PHF24: variants seen among roughly 807,000 people sequenced by gnomAD.
The protein encoded by PHF24 is PHD finger protein 24, also known as Galpha inhibitory interacting protein.
Under a neutral mutation model 42.6 loss-of-function variants are expected in PHF24, and 25 were observed. The ratio of observed to expected loss-of-function variants is 0.59; its 90% CI spans 0.43 to 0.82. The LOEUF (loss-of-function observed/expected upper bound fraction) is 0.82. Among genes scored for constraint, PHF24 ranks in the 40% least tolerant of loss-of-function variants. The pLI, the probability that PHF24 is intolerant of heterozygous loss-of-function variation, is 0.00. For missense variants in PHF24, 470 were observed against 538.1 expected (o/e 0.87, Z 1.25); for synonymous variants, 185 against 204.8 (o/e 0.90, Z 0.83).
At chr9:34,755,921 G>A in the PHF24 span, among the ~76,000 whole-genome samples, 1 of 152,154 alleles carries the variant, frequency 6.6e-6, no homozygotes, top group African/African-American at 2.4e-5. Flanking sequence ...CTGTGCAGAA[G>A]CTTTTCAGTT....
At chr9:34,837,816 C>T in the PHF24 span, 51 of 691,184 alleles carry the variant, frequency 7.4e-5, no homozygotes, top group South Asian at 3.7e-4. Context: ...GTATTTTATA[C>T]GCTTTCCTGG....
chr9:34,971,874 G>A (rs1827001597), intron 2 of PHF24, among the ~76,000 whole-genome samples, 198 bp downstream of exon 2: 1 of 152,168 alleles, frequency 6.6e-6, no homozygotes, highest in Non-Finnish European at 1.5e-5. Flanking sequence ...GGCAATGGAT[G>A]ATAAAGAATG....
the PHF24 span, among the ~76,000 whole-genome samples, chr9:34,734,504 T>C: frequency 6.6e-6 from 1 of 152,280 alleles, no homozygotes; most frequent in South Asian, 2.1e-4. Flanking sequence ...CTTCCCAGAT[T>C]CTTCTCCCTT....
the PHF24 span, among the ~76,000 whole-genome samples, chr9:34,877,051 G>A: frequency 6.6e-6 from 1 of 152,182 alleles, no homozygotes; most frequent in South Asian, 2.1e-4. Context: ...GGAGGCCAAG[G>A]TGGGCAGATC....
chr9:34,740,400 C>T, the PHF24 span, among the ~76,000 whole-genome samples: 1 of 152,220 alleles, frequency 6.6e-6, no homozygotes, highest in Non-Finnish European at 1.5e-5. Flanking sequence ...CAGCTAAGGC[C>T]AGGCAAGAAA....
the PHF24 span, among the ~76,000 whole-genome samples, chr9:34,810,044 C>T: frequency 6.6e-6 from 1 of 151,592 alleles, no homozygotes; most frequent in Non-Finnish European, 1.5e-5. Flanking sequence ...CGCCTCAACT[C>T]GGCAGCTCAG....
intron 1 of PHF24, among the ~76,000 whole-genome samples, chr9:34,969,635 T>G (rs1451079144): frequency 5.5e-5 from 8 of 146,644 alleles, no homozygotes; most frequent in Non-Finnish European, 1.0e-4. Flanking sequence ...AGCGAGACTC[T>G]GTCTCAAAAA....
the PHF24 span, among the ~76,000 whole-genome samples, chr9:34,907,297 G>T: frequency 6.6e-6 from 1 of 152,054 alleles, no homozygotes; most frequent in Admixed American, 6.5e-5. Context: ...CCCCTCAAAG[G>T]AATTGTTGAC....
At chr9:34,786,689 A>C in the PHF24 span, among the ~76,000 whole-genome samples, 1 of 152,212 alleles carries the variant, frequency 6.6e-6, no homozygotes, top group African/African-American at 2.4e-5. Flanking sequence ...TCATTTTCCT[A>C]AAATGTTGAG....
the PHF24 span, among the ~76,000 whole-genome samples, chr9:34,736,237 C>CA: frequency 6.6e-6 from 1 of 151,896 alleles, no homozygotes; most frequent in East Asian, 1.9e-4. Flanking sequence ...ACTGACATCC[C>CA]AGGAGAAAAG....
chr9:34,832,412 A>G, the PHF24 span: 2 of 1,227,648 alleles, frequency 1.6e-6, no homozygotes, highest in South Asian at 2.7e-5. Context: ...ACCGAAGCTT[A>G]TTGTCTAGGG....
At chr9:34,703,736 T>C in the PHF24 span, among the ~76,000 whole-genome samples, 1 of 151,720 alleles carries the variant, frequency 6.6e-6, no homozygotes, top group African/African-American at 2.4e-5. Flanking sequence ...AAAAGTTTCT[T>C]GTAATAAAAT....
chr9:34,822,566 G>A, the PHF24 span, among the ~76,000 whole-genome samples: 3,403 of 152,192 alleles, frequency 0.022, 120 homozygotes, highest in African/African-American at 0.076. Context: ...TCCAAGAAAG[G>A]CAGGATGTCA....
At chr9:34,966,104 G>C (rs2132875249) in intron 1 of PHF24, among the ~76,000 whole-genome samples, 1 of 152,212 alleles carries the variant, frequency 6.6e-6, no homozygotes, top group South Asian at 2.1e-4. Context: ...TGTAGTCTAT[G>C]TCACACACAC....
At chr9:34,876,783 C>T in the PHF24 span, among the ~76,000 whole-genome samples, 3 of 152,108 alleles carry the variant, frequency 2.0e-5, 1 homozygote, top group South Asian at 6.2e-4. Context: ...TTGGCAATTC[C>T]TCTATTAATT....
the PHF24 span, among the ~76,000 whole-genome samples, chr9:34,718,854 G>T: frequency 6.6e-6 from 1 of 152,182 alleles, no homozygotes; most frequent in African/African-American, 2.4e-5. Context: ...TCGGTTTCCT[G>T]AAATTCCCTC....
upstream of PHF24, among the ~76,000 whole-genome samples, chr9:34,957,271 A>G (rs1826396460): frequency 6.6e-6 from 1 of 152,230 alleles, no homozygotes; most frequent in African/African-American, 2.4e-5. Context: ...CAAAAAAATG[A>G]CATGCATTAT....
At chr9:34,735,810 A>G in the PHF24 span, among the ~76,000 whole-genome samples, 9 of 151,928 alleles carry the variant, frequency 5.9e-5, no homozygotes, top group East Asian at 1.2e-3. Flanking sequence ...AAAAAAAAAA[A>G]AGAGAGACAA....
At chr9:34,896,748 A>T in the PHF24 span, among the ~76,000 whole-genome samples, 183 of 152,220 alleles carry the variant, frequency 1.2e-3, 4 homozygotes, top group East Asian at 0.017. Flanking sequence ...TCTCACATTA[A>T]TGTTAACTTC....
Sources: gnomAD v4.1 joint callset for allele counts (sites outside exome capture counted in the v4.1 genomes callset) on GRCh38, gnomAD v4.1.1 for gene constraint, MANE v1.5 for transcripts, NCBI Gene and HGNC (gene_info 2026-07-23, HGNC 2026-07-21) for gene names.